NHS: variants seen among roughly 807,000 people sequenced by gnomAD.
NHS encodes the protein actin remodeling regulator NHS.
Under a neutral mutation model 72.5 loss-of-function variants are expected in NHS, and 5 were observed. That is an observed-to-expected ratio of 0.07 (90% CI 0.04 to 0.14). The LOEUF is 0.14. Ranked by LOEUF, NHS falls within the 10% of genes least tolerant of loss-of-function variation. NHS has a pLI of 1.00. For synonymous variants in NHS, 464 were observed against 547.7 expected (o/e 0.85, Z 2.13); for missense variants, 1,072 against 1,355.7 (o/e 0.79, Z 3.29).
At chrX:17,449,202 G>A (rs1435460064) in intron 1 of NHS, among the ~76,000 whole-genome samples, 1 of 113,433 alleles carries the variant, frequency 8.8e-6, no homozygotes, top group Non-Finnish European at 1.9e-5. Flanking sequence ...GCTGAATCTT[G>A]TTATAATTCA....
intron 1 of NHS, among the ~76,000 whole-genome samples, chrX:17,474,657 ATGACC>A (rs950044601): frequency 8.9e-6 from 1 of 112,092 alleles, no homozygotes; most frequent in Non-Finnish European, 1.9e-5. Flanking sequence ...TATTTTCCAA[ATGACC>A]AGTCTTTGGA....
At chrX:17,720,562 G>A (rs1045079161) in intron 4 of NHS, among the ~76,000 whole-genome samples, 4 of 112,236 alleles carry the variant, frequency 3.6e-5, no homozygotes, top group Non-Finnish European at 5.6e-5. Flanking sequence ...AAACTGGGAT[G>A]GAGCTTTTTA....
rs372391693 is a variant in NHS, at chrX:17,726,025, C to T, written c.1919C>T (p.Thr640Met). 3.4e-5 allele frequency: 41 copies of T among 1,209,561 alleles called. No homozygotes were observed. The African/African-American group carries it at 6.0e-4, about 18-fold the overall frequency. Residue 640 changes from threonine to methionine, a missense_variant, in exon 7 of 9, where the codon ACG becomes ATG. Thr to Met is a moderately conservative substitution (Grantham distance 81). Transcript: ENST00000676302. ...SSGNWSGSSS[T>M]CPSQTSETIP... ...GGCAACTGGAGTGGGAGCAGCTCCA[C>T]GTGCCCCTCGCAGACCTCAGAAACC...
intron 1 of NHS, among the ~76,000 whole-genome samples, chrX:17,441,030 T>C (rs1474095009): frequency 8.9e-6 from 1 of 112,047 alleles, no homozygotes; most frequent in Non-Finnish European, 1.9e-5. Context: ...TCTCAGTGAC[T>C]GCCCCTCACC....
At chrX:17,441,693 C>A (rs750825192) in intron 1 of NHS, among the ~76,000 whole-genome samples, 18 of 111,080 alleles carry the variant, frequency 1.6e-4, no homozygotes, top group Non-Finnish European at 2.8e-4. Context: ...TTCCTTCCAG[C>A]ATTTACCAAT....
Position 17,635,554 on chromosome X carries a change from C to T in NHS, c.566-52188C>T, listed in dbSNP as rs772767976. Reference sequence around the variant, plus strand: ...AAAGGCCCTTCCTTAAGGAGCAGAGCGGGAATCCAAGCATGGCTCTGGCCT... The same window carrying T: ...AAAGGCCCTTCCTTAAGGAGCAGAGTGGGAATCCAAGCATGGCTCTGGCCT... On this transcript the variant is annotated intron_variant, in intron 1 of 8. Transcript: ENST00000676302. 30 of 1,165,924 alleles carry T rather than the reference C, an allele frequency of 2.6e-5. No homozygotes were observed. The East Asian group carries it at 5.9e-4, about 23-fold the overall frequency.
At chrX:17,556,310 G>T (rs1275486788) in intron 1 of NHS, among the ~76,000 whole-genome samples, 1 of 112,902 alleles carries the variant, frequency 8.9e-6, no homozygotes, top group East Asian at 2.8e-4. Flanking sequence ...TCTGGCCAAA[G>T]CCAGAAGAAA....
intron 1 of NHS, among the ~76,000 whole-genome samples, chrX:17,439,675 C>T (rs1288995442): frequency 8.9e-6 from 1 of 111,794 alleles, no homozygotes; most frequent in Non-Finnish European, 1.9e-5. Context: ...TTTATCTATT[C>T]TCCTATTGAT....
rs1388863492 is a variant in NHS, at chrX:17,728,233, A to G, written c.4127A>G (p.Gln1376Arg). 2.5e-6 allele frequency: 3 copies of G among 1,210,326 alleles called. No individual in the cohort carries two copies. Among genetic ancestry groups the G allele is most frequent in the Non-Finnish European group, 3.4e-6 (3 of 895,271 alleles). ...TCATTCCCTGAAAAATGTTCCAAGC[A>G]GGAAAATATTGCTTCAGGTATTTCA... Reference protein sequence around the residue: ...VNSFPEKCSKQENIASGISAK... With the variant: ...VNSFPEKCSKRENIASGISAK... Residue 1376 changes from glutamine to arginine, a missense_variant, in exon 7 of 9, where the codon CAG becomes CGG. Gln to Arg is a conservative substitution (Grantham distance 43). Coordinates refer to ENST00000676302, the MANE Select transcript of NHS (RefSeq NM_001291867.2).
chrX:17,614,533 G>A (rs1227669791), intron 1 of NHS, among the ~76,000 whole-genome samples: 2 of 111,423 alleles, frequency 1.8e-5, no homozygotes, highest in Non-Finnish European at 3.8e-5. Context: ...TCATCACAGC[G>A]GGTTACATTT....
At chrX:17,678,271 GGTGTGT>G (rs747335244) in intron 1 of NHS, among the ~76,000 whole-genome samples, 128 of 102,704 alleles carry the variant, frequency 1.2e-3, no homozygotes, top group African/African-American at 4.2e-3. Flanking sequence ...AATGACTGTG[GGTGTGT>G]GTGTGTGTGT....
At chrX:17,459,742 G>A (rs1423288713) in intron 1 of NHS, among the ~76,000 whole-genome samples, 2 of 111,988 alleles carry the variant, frequency 1.8e-5, no homozygotes, top group Non-Finnish European at 1.9e-5. Context: ...TTAAGGACAA[G>A]GATGTGTGGG....
At chrX:17,444,964 C>A (rs1283197242) in intron 1 of NHS, among the ~76,000 whole-genome samples, 2 of 109,513 alleles carry the variant, frequency 1.8e-5, no homozygotes, top group East Asian at 5.6e-4. Flanking sequence ...TTTTATTTCA[C>A]CCCCAGTTTA....
chrX:17,550,015 A>G (rs779838630), intron 1 of NHS, among the ~76,000 whole-genome samples: 2 of 111,825 alleles, frequency 1.8e-5, no homozygotes, highest in Non-Finnish European at 3.8e-5. Flanking sequence ...TAAACTGCTT[A>G]CTGTAGGGTC....
chrX:17,477,385 G>T (rs1046777178), intron 1 of NHS, among the ~76,000 whole-genome samples: 1 of 111,948 alleles, frequency 8.9e-6, no homozygotes, highest in Admixed American at 9.5e-5. Context: ...CAAGGAGCCC[G>T]GTGTGGTCAG....
At position 17,521,366 on chromosome X, in the gene NHS, C is replaced by CTTTTTTTTTTTTTTTTTTTTTT. The variant is rs766662277; in HGVS notation, c.565+145057_565+145058insTTTTTTTTTTTTTTTTTTTTTT. ...AGTTCTACCTTTTTCTCCCTTCCCT[C>CTTTTTTTTTTTTTTTTTTTTTT]TTTTTTTTTTTTTGAGACAGGGTCT... On this transcript the variant is annotated intron_variant, in intron 1 of 8. Transcript: ENST00000676302. Among the ~76,000 whole-genome samples the CTTTTTTTTTTTTTTTTTTTTTT allele has an allele frequency of 3.7e-4, 36 of 97,336 alleles. 2 individuals are homozygous for CTTTTTTTTTTTTTTTTTTTTTT. The highest frequency in any genetic ancestry group is 1.5e-3 in the African/African-American group (35 of 23,145). The allele number at this position is 97,336 out of a possible 115,157, so 84.5% of individuals were successfully genotyped here. A position where few individuals can be genotyped will look rare whatever the true frequency, so the allele number is the denominator to read the frequency against.
chrX:17,410,516 CT>C (rs200959395), intron 1 of NHS, among the ~76,000 whole-genome samples: 4,480 of 82,173 alleles, frequency 0.055, 253 homozygotes, highest in African/African-American at 0.15. Context: ...CAACTCTCTG[CT>C]TTTTTTTTTT....
intron 1 of NHS, among the ~76,000 whole-genome samples, chrX:17,541,775 C>T (rs1182562762): frequency 1.9e-4 from 18 of 96,854 alleles, no homozygotes; most frequent in Admixed American, 1.4e-3. Flanking sequence ...CGAACACACA[C>T]ACACACACAC....
chrX:17,442,709 A>C (rs2064761641), intron 1 of NHS, among the ~76,000 whole-genome samples: 1 of 112,742 alleles, frequency 8.9e-6, no homozygotes, highest in Non-Finnish European at 1.9e-5. Context: ...ATTCGAAAGC[A>C]AAATAGCTGA....
Sources: gnomAD v4.1 joint callset for allele counts (sites outside exome capture counted in the v4.1 genomes callset) on GRCh38, gnomAD v4.1.1 for gene constraint, MANE v1.5 for transcripts, NCBI Gene and HGNC (gene_info 2026-07-23, HGNC 2026-07-21) for gene names.